The following GRM8 variants were observed in gnomAD, a reference collection of about 807,000 sequenced individuals.
GRM8 encodes metabotropic glutamate receptor 8.
GRM8 carries 47 observed loss-of-function variants against 87.2 expected under a neutral mutation model. The ratio of observed to expected loss-of-function variants is 0.54; its 90% CI spans 0.43 to 0.69. The LOEUF (loss-of-function observed/expected upper bound fraction) is 0.69. Among genes scored for constraint, GRM8 ranks in the 30% least tolerant of loss-of-function variants. The pLI, the probability that GRM8 is intolerant of heterozygous loss-of-function variation, is 0.00. For synonymous variants in GRM8, 396 were observed against 404.5 expected, an observed-to-expected ratio of 0.98 and a Z score of 0.25; for missense variants, 1,019 against 1,139.2, an observed-to-expected ratio of 0.89 and a Z score of 1.52.
intron 2 of GRM8, among the ~76,000 whole-genome samples, chr7:127,164,700 A>G (rs993805547): frequency 6.6e-6 from 1 of 151,994 alleles, no homozygotes; most frequent in South Asian, 2.1e-4. Flanking sequence ...TCCTCACACT[A>G]TCATAGAGTA....
At chr7:126,472,731 C>T (rs887751612) in intron 9 of GRM8, among the ~76,000 whole-genome samples, 1 of 152,200 alleles carries the variant, frequency 6.6e-6, no homozygotes, top group Non-Finnish European at 1.5e-5. Flanking sequence ...TATGGCACCT[C>T]CTCCCATCAC....
chr7:126,943,080 T>C (rs528911965), intron 3 of GRM8, among the ~76,000 whole-genome samples: 1 of 152,322 alleles, frequency 6.6e-6, no homozygotes, highest in East Asian at 1.9e-4. Flanking sequence ...TGCTGGGCCT[T>C]TGGCTCTCTC....
chr7:126,544,151 C>T (rs1585008485), intron 8 of GRM8, among the ~76,000 whole-genome samples: 2 of 152,266 alleles, frequency 1.3e-5, no homozygotes, highest in African/African-American at 4.8e-5. Flanking sequence ...TTTATTTCCC[C>T]ACCAGACTGA....
chr7:126,744,844 T>C (rs1815456177), intron 7 of GRM8, among the ~76,000 whole-genome samples: 1 of 151,992 alleles, frequency 6.6e-6, no homozygotes, highest in Non-Finnish European at 1.5e-5. Context: ...AGCTGTCTTC[T>C]AGTAATCCAG....
intron 3 of GRM8, among the ~76,000 whole-genome samples, chr7:127,037,473 T>C (rs1817948611): frequency 6.6e-6 from 1 of 152,192 alleles, no homozygotes; most frequent in Non-Finnish European, 1.5e-5. Flanking sequence ...GACCAAAGAC[T>C]GTGACATGCT....
At chr7:126,956,049 G>A (rs1180409545) in intron 3 of GRM8, among the ~76,000 whole-genome samples, 1 of 152,226 alleles carries the variant, frequency 6.6e-6, no homozygotes, top group Non-Finnish European at 1.5e-5. Flanking sequence ...CAGAAAGCAC[G>A]AATTTGACGT....
intron 6 of GRM8, among the ~76,000 whole-genome samples, chr7:126,873,182 T>C (rs1799248555): frequency 6.6e-6 from 1 of 152,144 alleles, no homozygotes; most frequent in South Asian, 2.1e-4. Context: ...TTAACTTGTG[T>C]CTGCACAGTA....
chr7:127,107,933 G>T (rs974652506), intron 2 of GRM8, among the ~76,000 whole-genome samples: 6 of 152,182 alleles, frequency 3.9e-5, no homozygotes, highest in South Asian at 4.1e-4. Flanking sequence ...TGTCCATGGT[G>T]CTGACTATTC....
intron 3 of GRM8, among the ~76,000 whole-genome samples, chr7:127,074,310 A>G (rs1259424183): frequency 6.6e-6 from 1 of 152,182 alleles, no homozygotes; most frequent in African/African-American, 2.4e-5. Context: ...TTAATTCCAC[A>G]TAGTCAATGT....
chr7:126,479,384 C>G (rs554065193), intron 9 of GRM8, among the ~76,000 whole-genome samples: 23 of 152,058 alleles, frequency 1.5e-4, no homozygotes, highest in Admixed American at 2.0e-4. Flanking sequence ...TCTCCATGAG[C>G]CTTCCCCTAG....
chr7:127,115,467 T>C (rs975409493), intron 2 of GRM8, among the ~76,000 whole-genome samples: 3 of 152,220 alleles, frequency 2.0e-5, no homozygotes, highest in Non-Finnish European at 2.9e-5. Context: ...ACTAATGAAG[T>C]CTGGATTTCT....
At chr7:127,236,895 C>G (rs984846511) in intron 2 of GRM8, among the ~76,000 whole-genome samples, 14 of 152,108 alleles carry the variant, frequency 9.2e-5, no homozygotes, top group African/African-American at 3.4e-4. Context: ...ATGCCCCTGC[C>G]CACATGGTGC....
chr7:126,734,163 T>G (rs1813926323), intron 7 of GRM8, among the ~76,000 whole-genome samples: 1 of 151,952 alleles, frequency 6.6e-6, no homozygotes. Context: ...TACTGAGAGA[T>G]AATATGAGTT....
At chr7:127,081,829 G>C (rs1214234924) in intron 3 of GRM8, among the ~76,000 whole-genome samples, 1 of 152,212 alleles carries the variant, frequency 6.6e-6, no homozygotes, top group African/African-American at 2.4e-5. Flanking sequence ...AGGAGGTAAA[G>C]GTGCAGAGAG....
intron 2 of GRM8, among the ~76,000 whole-genome samples, chr7:127,133,734 T>C (rs1827813645): frequency 1.4e-5 from 2 of 146,256 alleles, no homozygotes; most frequent in Admixed American, 1.4e-4. Flanking sequence ...AAAAAATTAA[T>C]AAATACAAAC....
chr7:126,540,438 G>GTA (rs755245001), intron 8 of GRM8, among the ~76,000 whole-genome samples: 2 of 151,966 alleles, frequency 1.3e-5, no homozygotes, highest in Non-Finnish European at 2.9e-5. Flanking sequence ...CCACTTCTAG[G>GTA]TATATACCAA....
intron 3 of GRM8, among the ~76,000 whole-genome samples, chr7:126,979,019 G>T (rs983720267): frequency 6.6e-6 from 1 of 152,152 alleles, no homozygotes; most frequent in Non-Finnish European, 1.5e-5. Flanking sequence ...TTCTTCCTTT[G>T]TGAGAAATCC....
chr7:127,134,457 T>A (rs1827848687), intron 2 of GRM8, among the ~76,000 whole-genome samples: 1 of 152,196 alleles, frequency 6.6e-6, no homozygotes, highest in African/African-American at 2.4e-5. Flanking sequence ...ATGGGCCTGA[T>A]TTACCTTAAA....
intron 6 of GRM8, among the ~76,000 whole-genome samples, chr7:126,823,155 A>G (rs1214621819): frequency 3.3e-5 from 5 of 152,240 alleles, no homozygotes; most frequent in Non-Finnish European, 5.9e-5. Context: ...TAAGCCTGCA[A>G]TTAGATTTTG....
Sources: gnomAD v4.1 joint callset for allele counts (sites outside exome capture counted in the v4.1 genomes callset) on GRCh38, gnomAD v4.1.1 for gene constraint, MANE v1.5 for transcripts, NCBI Gene and HGNC (gene_info 2026-07-23, HGNC 2026-07-21) for gene names.